SIRPA: variants seen among roughly 807,000 people sequenced by gnomAD.
SIRPA encodes signal regulatory protein alpha.
SIRPA carries 9 observed loss-of-function variants against 50.3 expected under a neutral mutation model. The ratio of observed to expected loss-of-function variants is 0.18; its 90% confidence interval spans 0.11 to 0.31. The LOEUF is 0.31. Ranked by LOEUF, SIRPA falls within the 10% of genes least tolerant of loss-of-function variation. SIRPA has a pLI of 1.00. For synonymous variants in SIRPA, 265 were observed against 284.1 expected, an observed-to-expected ratio of 0.93 and a Z score of 0.68; for missense variants, 474 against 661.6, an observed-to-expected ratio of 0.72 and a Z score of 3.11.
At chr20:1,922,730 T>C in intron 4 of SIRPA, 85 bp downstream of exon 4, 2 of 1,407,082 alleles carry the variant, frequency 1.4e-6, no homozygotes, top group Non-Finnish European at 1.9e-6. Flanking sequence ...TAATTCATGC[T>C]TATTATAGAA....
At chr20:1,916,751 C>G (rs977310200) in intron 2 of SIRPA, among the ~76,000 whole-genome samples, 1 of 152,172 alleles carries the variant, frequency 6.6e-6, no homozygotes, top group Non-Finnish European at 1.5e-5. Context: ...TAACTTGTCC[C>G]CAAACTTGAA....
Position 1,934,840 on chromosome 20 carries a change from A to G in SIRPA, c.1266+86A>G. The G allele has an allele frequency of 7.0e-7, 1 of 1,434,586 alleles. No homozygotes were observed. The highest frequency in any genetic ancestry group is 1.4e-5 in the African/African-American group (1 of 71,414). The allele number at this position is 1,434,586 out of a possible 1,614,324, so 88.9% of individuals were successfully genotyped here. ...ACCGGAATTGCAGATCTGGTTCTAA[A>G]TTAAGACTCCTTGTGGGGTGGAGGG... On this transcript the variant is annotated intron_variant, in intron 7 of 7. Coordinates refer to ENST00000358771, the MANE Select transcript of SIRPA (RefSeq NM_001040023.2). This position sits in a 1 kb window ranked among gnomAD's most constrained non-coding sequence, Gnocchi z 4.6.
chr20:1,923,729 T>C (rs1985804493), intron 4 of SIRPA, among the ~76,000 whole-genome samples: 1 of 152,222 alleles, frequency 6.6e-6, no homozygotes, highest in Admixed American at 6.5e-5. Context: ...AGACAGGATG[T>C]GTGGCTTTCC....
intron 1 of SIRPA, 152 bp from the exon 2 acceptor site, chr20:1,914,947 G>T (rs1456476379): frequency 5.6e-6 from 4 of 716,894 alleles, no homozygotes; most frequent in African/African-American, 1.8e-5. Context: ...CAGGTTTGTT[G>T]TGAGGGTCAA....
intron 6 of SIRPA, among the ~76,000 whole-genome samples, chr20:1,930,430 C>T (rs1189133417): frequency 6.6e-6 from 1 of 152,218 alleles, no homozygotes; most frequent in African/African-American, 2.4e-5. Flanking sequence ...ACTGACTGAA[C>T]AAGTGAACAA....
Position 1,937,628 on chromosome 20 carries a change from C to A in SIRPA, c.*60C>A. On this transcript the variant is annotated 3_prime_UTR_variant, in exon 8 of 8. Coordinates refer to ENST00000358771, the MANE Select transcript of SIRPA (RefSeq NM_001040023.2). The surrounding 1 kb of genome is among the most constrained non-coding windows in gnomAD (Gnocchi z 8.3). ...CGCGCTTTCTTGTCCCACAGGGAGC[C>A]GCCGTGATGAGCACAGCCAACCCAG... The A allele has an allele frequency of 1.3e-6, 2 of 1,580,906 alleles. No individual in the cohort carries two copies.
At chr20:1,919,296 TAATC>T (rs1423964594) in intron 2 of SIRPA, among the ~76,000 whole-genome samples, 1 of 152,256 alleles carries the variant, frequency 6.6e-6, no homozygotes, top group East Asian at 1.9e-4. Flanking sequence ...AGTTTTTAAT[TAATC>T]CAGAAGATTC....
intron 5 of SIRPA, among the ~76,000 whole-genome samples, chr20:1,926,814 C>T (rs752022756): frequency 1.5e-4 from 23 of 152,328 alleles, no homozygotes; most frequent in Admixed American, 5.2e-4. Flanking sequence ...TACCTCCCTC[C>T]GCCATAACTA....
chr20:1,926,908 A>C (rs1225163760), intron 5 of SIRPA, among the ~76,000 whole-genome samples: 1 of 152,166 alleles, frequency 6.6e-6, no homozygotes, highest in Non-Finnish European at 1.5e-5. Context: ...TTTCAACTCA[A>C]CCACTACCCA....
At chr20:1,900,282 T>C (rs1239842606) in intron 1 of SIRPA, among the ~76,000 whole-genome samples, 1 of 152,064 alleles carries the variant, frequency 6.6e-6, no homozygotes, top group African/African-American at 2.4e-5. Flanking sequence ...GTATTTTTAG[T>C]AGAGACAAGG....
intron 1 of SIRPA, among the ~76,000 whole-genome samples, chr20:1,908,766 C>T (rs183701291): frequency 1.3e-5 from 2 of 152,350 alleles, no homozygotes; most frequent in East Asian, 3.9e-4. Flanking sequence ...TTAATGTACA[C>T]TCATGTTCAC....
At chr20:1,895,728 G>A (rs780722105) in intron 1 of SIRPA, among the ~76,000 whole-genome samples, 1 of 152,236 alleles carries the variant, frequency 6.6e-6, no homozygotes, top group Non-Finnish European at 1.5e-5. Context: ...TAGAACCCAA[G>A]TCTCTTCTAT....
Position 1,915,089 on chromosome 20 carries a change from T to C in SIRPA, c.80-10T>C, listed in dbSNP as rs759388342. The stretch of plus-strand genomic sequence containing the variant: ...GGATGAAAAAATGACTGCTTTGTGC[T>C]CCTTTCCAGGAGTGGCGGGTGAGGA... On this transcript the variant is annotated splice_polypyrimidine_tract_variant and intron_variant, in intron 1 of 7. Coordinates refer to ENST00000358771, the MANE Select transcript of SIRPA (RefSeq NM_001040023.2). 23 of 1,604,978 alleles carry C rather than the reference T, an allele frequency of 1.4e-5. No homozygotes were observed. The Admixed American group carries it at 3.5e-4, about 25-fold the overall frequency.
At chr20:1,899,052 G>T (rs1019029169) in intron 1 of SIRPA, among the ~76,000 whole-genome samples, 9 of 152,034 alleles carry the variant, frequency 5.9e-5, no homozygotes, top group African/African-American at 2.2e-4. Context: ...GGCTCCGTGC[G>T]ACAGGTTATT....
intron 1 of SIRPA, among the ~76,000 whole-genome samples, chr20:1,909,754 C>T (rs1163369160): frequency 6.6e-6 from 1 of 152,154 alleles, no homozygotes; most frequent in African/African-American, 2.4e-5. Flanking sequence ...TGCACTCCAG[C>T]CTGGGTGATG....
Position 1,937,722 on chromosome 20 carries a change from C to T in SIRPA, c.*154C>T, listed in dbSNP as rs1327081785. 4.5e-6 allele frequency: 4 copies of T among 886,402 alleles called. No homozygotes were observed. Among genetic ancestry groups the T allele is most frequent in the Non-Finnish European group, 6.7e-6 (4 of 596,114 alleles). The allele number at this position is 886,402 out of a possible 1,614,324, so 54.9% of individuals were successfully genotyped here. A position where few individuals can be genotyped will look rare whatever the true frequency, so the allele number is the denominator to read the frequency against. On this transcript the variant is annotated 3_prime_UTR_variant, in exon 8 of 8. Coordinates refer to ENST00000358771, the MANE Select transcript of SIRPA (RefSeq NM_001040023.2). This position sits in a 1 kb window ranked among gnomAD's most constrained non-coding sequence, Gnocchi z 8.3. ...CAGGGTGGCTCTTCTCTCCCCACCCCTCCTTGGCTCTCCAGCACTTCCTGG... is the reference window on the plus strand; with the variant it reads ...CAGGGTGGCTCTTCTCTCCCCACCCTTCCTTGGCTCTCCAGCACTTCCTGG...
At chr20:1,904,160 C>T (rs1223993608) in intron 1 of SIRPA, among the ~76,000 whole-genome samples, 1 of 152,170 alleles carries the variant, frequency 6.6e-6, no homozygotes, top group Non-Finnish European at 1.5e-5. Flanking sequence ...CAATTCCCTG[C>T]CCATCAAGCT....
In SIRPA at chr20:1,898,064, G is replaced by A. The variant is rs1313636590; in HGVS notation, c.79+2538G>A. 2.0e-5 allele frequency among the ~76,000 whole-genome samples: 3 copies of A among 152,170 alleles called. No individual in the cohort carries two copies. The highest frequency in any genetic ancestry group is 2.0e-4 in the Admixed American group (3 of 15,282). ...CTTGAGACCTCTGAGTCACCCCCCA[G>A]GCCGACCTCAGATAAACTCCCATTC... is the stretch of plus-strand genomic sequence containing the variant. On this transcript the variant is annotated intron_variant, in intron 1 of 7. Coordinates refer to ENST00000358771, the MANE Select transcript of SIRPA (RefSeq NM_001040023.2). The surrounding 1 kb of genome is among the most constrained non-coding windows in gnomAD (Gnocchi z 4.3).
intron 2 of SIRPA, among the ~76,000 whole-genome samples, chr20:1,918,985 A>G (rs1985482367): frequency 6.6e-6 from 1 of 152,188 alleles, no homozygotes; most frequent in Admixed American, 6.5e-5. Context: ...CAGTGATAAC[A>G]CCAACCTCAC....
Sources: allele counts gnomAD v4.1 joint callset (sites outside exome capture counted in the v4.1 genomes callset), GRCh38; gene constraint gnomAD v4.1.1; non-coding constraint Gnocchi (gnomAD v3.1); transcripts MANE v1.5; gene names NCBI Gene and HGNC (gene_info 2026-07-23, HGNC 2026-07-21).